ATP7A: variants seen among roughly 807,000 people sequenced by gnomAD.
The protein encoded by ATP7A is copper-transporting ATPase 1.
ATP7A carries 7 observed loss-of-function variants against 83.5 expected under a neutral mutation model. That is an observed-to-expected ratio of 0.08 (90% confidence interval 0.05 to 0.16). The LOEUF is 0.16. ATP7A is among the 10% of genes least tolerant of loss of function. ATP7A has a pLI of 1.00. For missense variants in ATP7A, 940 were observed against 1,120.8 expected (o/e 0.84, Z 2.30); for synonymous variants, 354 against 395.2 (o/e 0.90, Z 1.24).
At chrX:77,993,166 A>G (rs375496014) in intron 4 of ATP7A, among the ~76,000 whole-genome samples, 5 of 112,419 alleles carry the variant, frequency 4.4e-5, no homozygotes, top group African/African-American at 1.6e-4. Flanking sequence ...ATCATCTTAC[A>G]TCACATATGG....
At chrX:77,915,296 G>C (rs1557222393) in intron 1 of ATP7A, among the ~76,000 whole-genome samples, 1 of 108,494 alleles carries the variant, frequency 9.2e-6, no homozygotes, top group East Asian at 2.9e-4. Flanking sequence ...CCCTGGATGA[G>C]AGAGTGACAG....
At position 78,049,729 on chromosome X, in the gene ATP7A, A is replaced by C. The variant is rs1336700705; in HGVS notation, c.*3159A>C. On this transcript the variant is annotated 3_prime_UTR_variant, in exon 23 of 23. Coordinates refer to ENST00000341514, the MANE Select transcript of ATP7A (RefSeq NM_000052.7). ...ATATGTATAGAATGCTTAAAATAGCACTGTAGACAAGATGTTTCCAAAACT... is the reference window on the plus strand; with the variant it reads ...ATATGTATAGAATGCTTAAAATAGCCCTGTAGACAAGATGTTTCCAAAACT... 4.4e-5 allele frequency: 5 copies of C among 112,743 alleles called. No homozygotes were observed. The highest frequency in any genetic ancestry group is 9.4e-5 in the Non-Finnish European group (5 of 53,251). 9.3% of individuals were successfully genotyped at this position (112,743 alleles called of 1,213,427 possible).
intron 2 of ATP7A, chrX:77,975,634 T>C (rs1414981799): frequency 1.8e-5 from 2 of 109,142 alleles, no homozygotes; most frequent in African/African-American, 3.3e-5. Context: ...GGACTACAGG[T>C]GCACGTCACC....
chrX:77,944,210 A>G lies in ATP7A; in HGVS notation c.-21-27411A>G, dbSNP rs1407414287. ...TAGTTTAGTTGAACATCTTGTAACA[A>G]CTACATTATATGTCAAATAAAAAAG... On this transcript the variant is annotated intron_variant, in intron 1 of 22. Transcript: ENST00000341514. Among the ~76,000 whole-genome samples, 13 of 112,624 alleles carry G rather than the reference A, an allele frequency of 1.2e-4. No individual in the cohort carries two copies. In the Admixed American group the frequency reaches 1.2e-3, roughly 11 times the overall value.
rs782158335 is a variant in ATP7A, at chrX:77,933,608, A to G, written c.-22+22773A>G. The stretch of plus-strand genomic sequence containing the variant: ...GGGATGGGACTCAGGTTTAAACATG[A>G]CATTCATTTATGTTTCATCTATAAC... On this transcript the variant is annotated intron_variant, in intron 1 of 22. Transcript: ENST00000341514. 2.7e-5 allele frequency among the ~76,000 whole-genome samples: 3 copies of G among 112,264 alleles called. No homozygotes were observed. In the East Asian group the frequency reaches 8.3e-4, roughly 31 times the overall value.
intron 19 of ATP7A, among the ~76,000 whole-genome samples, chrX:78,041,349 C>T (rs1286091666): frequency 3.6e-5 from 4 of 109,757 alleles, no homozygotes; most frequent in Non-Finnish European, 7.6e-5. Flanking sequence ...GATCTCGGCT[C>T]ATCGCAACCT....
At chrX:77,924,849 G>A (rs782220830) in intron 1 of ATP7A, among the ~76,000 whole-genome samples, 3 of 111,536 alleles carry the variant, frequency 2.7e-5, no homozygotes, top group Admixed American at 9.5e-5. Context: ...GCGCCACCAC[G>A]CCCAGCTTAT....
chrX:77,966,776 A>T (rs1557228794), intron 1 of ATP7A: 11 of 328,398 alleles, frequency 3.3e-5, no homozygotes, highest in South Asian at 2.4e-4. Context: ...AAAAGGCTGA[A>T]TTTTTTTCAT....
chrX:78,017,826 G>C (rs2077878519), intron 12 of ATP7A, among the ~76,000 whole-genome samples: 1 of 94,472 alleles, frequency 1.1e-5, no homozygotes, highest in Non-Finnish European at 2.1e-5. Context: ...GCCCAGGCTG[G>C]AGTGCAGTGG....
intron 15 of ATP7A, 91 bp from the exon 16 acceptor site, chrX:78,031,309 A>G: frequency 1.1e-6 from 1 of 886,372 alleles, no homozygotes; most frequent in Non-Finnish European, 1.6e-6. Flanking sequence ...GAAACTAAAT[A>G]GTCATCTCTT....
At chrX:77,944,979 TA>T (rs2077370812) in intron 1 of ATP7A, among the ~76,000 whole-genome samples, 1 of 109,854 alleles carries the variant, frequency 9.1e-6, no homozygotes, top group African/African-American at 3.3e-5. Flanking sequence ...GCCTCCCAAG[TA>T]GCTGGGATTA....
rs1390681145 is a variant in ATP7A at position 78,050,184 on chromosome X, C to T, written c.*3614C>T. ...AATGCCTTTTGTAGCCAAAACCAGG[C>T]GTCTCAACCTTACGTTTTTAGTTAA... On this transcript the variant is annotated 3_prime_UTR_variant, in exon 23 of 23. Transcript: ENST00000341514. 1 of 112,139 alleles carries T rather than the reference C, an allele frequency of 8.9e-6. No homozygotes were observed. Among genetic ancestry groups the T allele is most frequent in the Non-Finnish European group, 1.9e-5 (1 of 53,142 alleles). 9.2% of individuals were successfully genotyped at this position (112,139 alleles called of 1,213,427 possible).
At chrX:77,912,387 TG>T (rs1379173082) in intron 1 of ATP7A, among the ~76,000 whole-genome samples, 1 of 111,431 alleles carries the variant, frequency 9.0e-6, no homozygotes, top group Non-Finnish European at 1.9e-5. Flanking sequence ...AGCAAAGCCA[TG>T]GGGGTCTGGA....
chrX:77,977,576 A>C (rs1289184391), intron 2 of ATP7A, among the ~76,000 whole-genome samples: 3 of 112,406 alleles, frequency 2.7e-5, no homozygotes, highest in African/African-American at 9.7e-5. Context: ...TGCTTCCCAA[A>C]ACAGCCTGTT....
intron 7 of ATP7A, among the ~76,000 whole-genome samples, chrX:78,010,211 T>G (rs1295133924): frequency 1.8e-5 from 2 of 112,293 alleles, no homozygotes; most frequent in Non-Finnish European, 3.8e-5. Flanking sequence ...AATGTGGTCA[T>G]ATTCATTTTG....
chrX:77,922,015 G>T (rs1404057858), intron 1 of ATP7A, among the ~76,000 whole-genome samples: 2 of 110,750 alleles, frequency 1.8e-5, no homozygotes, highest in African/African-American at 3.3e-5. Context: ...GGCTGATCTT[G>T]AACTCCTGGC....
chrX:77,973,854 G>C (rs1232621462), intron 2 of ATP7A, among the ~76,000 whole-genome samples: 1 of 111,736 alleles, frequency 8.9e-6, no homozygotes, highest in Non-Finnish European at 1.9e-5. Context: ...CATAGTATAT[G>C]TCTATTTATG....
intron 1 of ATP7A, among the ~76,000 whole-genome samples, chrX:77,960,422 A>C (rs781834376): frequency 2.9e-4 from 33 of 112,225 alleles, no homozygotes; most frequent in Non-Finnish European, 5.6e-4. Context: ...AAAACAAAAC[A>C]AAACCCCAAA....
intron 2 of ATP7A, among the ~76,000 whole-genome samples, chrX:77,972,207 T>C (rs782223402): frequency 1.8e-5 from 2 of 111,243 alleles, no homozygotes; most frequent in East Asian, 5.6e-4. Flanking sequence ...TTAGTTTTTT[T>C]TTCAGACAGG....
Sources: allele counts gnomAD v4.1 joint callset (sites outside exome capture counted in the v4.1 genomes callset), GRCh38; gene constraint gnomAD v4.1.1; transcripts MANE v1.5; gene names NCBI Gene and HGNC (gene_info 2026-07-23, HGNC 2026-07-21).